The following PCNT variants were observed in gnomAD, a reference collection of about 807,000 sequenced individuals.
The protein encoded by PCNT is kendrin.
In PCNT, 319 loss-of-function variants were observed where a neutral mutation model predicts 380.4. The observed-to-expected ratio is 0.84, with a 90% confidence interval of 0.77 to 0.92. The LOEUF is 0.92. Ranked by LOEUF, PCNT falls within the 40% of genes least tolerant of loss-of-function variation. The pLI is 0.00. For synonymous variants in PCNT, 1,845 were observed against 1,735.2 expected (o/e 1.06, Z -1.57); for missense variants, 4,400 against 4,255.3 (o/e 1.03, Z -0.95).
intron 15 of PCNT, among the ~76,000 whole-genome samples, chr21:46,368,335 C>G (rs972137282): frequency 5.3e-5 from 8 of 151,988 alleles, no homozygotes; most frequent in African/African-American, 1.9e-4. Context: ...GTAGTCCCAG[C>G]TACTTGGGAG....
chr21:46,407,865 T>C (rs2147613727), intron 27 of PCNT, among the ~76,000 whole-genome samples: 1 of 152,312 alleles, frequency 6.6e-6, no homozygotes, highest in East Asian at 1.9e-4. Context: ...TTTATTTCTT[T>C]GATTTCTCCT....
intron 17 of PCNT, among the ~76,000 whole-genome samples, chr21:46,387,452 T>G (rs1204040376): frequency 6.6e-6 from 1 of 151,618 alleles, no homozygotes; most frequent in Non-Finnish European, 1.5e-5. Flanking sequence ...GTGGGCGGGG[T>G]AGTCCCAGGC....
chr21:46,349,170 C>T lies in PCNT; in HGVS notation c.1191C>T (p.Asp397=). The part of the protein sequence containing the change: ...QRAELEKIFQ[D]KNQAERALRN... ...CTGAGTTGGAGAAGATTTTTCAAGA[C>T]AAAAACCAGGCTGAACGTAAGTAAT... The change falls in exon 7 of 47, where the codon GAC becomes GAT. Residue 397 remains aspartate, a synonymous_variant. Coordinates refer to ENST00000359568, the MANE Select transcript of PCNT (RefSeq NM_006031.6). 6.2e-7 allele frequency: 1 copy of T among 1,613,674 alleles called. No individual in the cohort carries two copies. Among genetic ancestry groups the T allele is most frequent in the Non-Finnish European group, 8.5e-7 (1 of 1,179,630 alleles).
At chr21:46,333,532 G>A (rs372918200) in intron 2 of PCNT, among the ~76,000 whole-genome samples, 92 of 152,004 alleles carry the variant, frequency 6.1e-4, no homozygotes, top group African/African-American at 2.0e-3. Context: ...GTTTGAACCC[G>A]GAGGCGGAGG....
At chr21:46,359,924 T>C (rs1222531192) in intron 13 of PCNT, among the ~76,000 whole-genome samples, 1 of 151,566 alleles carries the variant, frequency 6.6e-6, no homozygotes, top group African/African-American at 2.4e-5. Context: ...TGGCACAGTC[T>C]TGGCTCACTG....
In PCNT at chr21:46,398,137, C is replaced by T; in HGVS notation, c.4563+7C>T. ...GGGCCCTCGCGACAGCCAGGTGAGT[C>T]AGTGCAGCGTGCAGTGCTGCTGGTT... On this transcript the variant is annotated splice_region_variant and intron_variant, in intron 23 of 46. Transcript: ENST00000359568. The T allele has an allele frequency of 6.2e-7, 1 of 1,606,606 alleles. No homozygotes were observed.
intron 33 of PCNT, among the ~76,000 whole-genome samples, 161 bp from the exon 34 acceptor site, chr21:46,427,460 AG>A (rs1269066808): frequency 6.6e-6 from 1 of 152,194 alleles, no homozygotes; most frequent in African/African-American, 2.4e-5. Context: ...TGATGGAGAC[AG>A]CGAGTGAGCT....
At chr21:46,334,204 CAAAAAAA>C (rs35021942) in intron 2 of PCNT, among the ~76,000 whole-genome samples, 186 bp from the exon 3 acceptor site, 1,210 of 97,156 alleles carry the variant, frequency 0.012, 15 homozygotes, top group African/African-American at 0.036. Flanking sequence ...GACTCCGTCT[CAAAAAAA>C]AAAAAAAAAA....
intron 15 of PCNT, among the ~76,000 whole-genome samples, chr21:46,377,244 G>A (rs1357885207): frequency 2.0e-5 from 3 of 152,190 alleles, no homozygotes; most frequent in East Asian, 1.9e-4. Context: ...CCTCCTGGCC[G>A]TGCTGGGCAG....
chr21:46,373,769 C>T (rs1399426897), intron 15 of PCNT, among the ~76,000 whole-genome samples: 2 of 119,222 alleles, frequency 1.7e-5, no homozygotes, highest in African/African-American at 6.5e-5. Flanking sequence ...CTCGCTCTGT[C>T]GCCAGGCTGG....
At chr21:46,354,173 C>T in intron 11 of PCNT, 105 bp downstream of exon 11, 5 of 1,040,150 alleles carry the variant, frequency 4.8e-6, no homozygotes, top group Non-Finnish European at 7.4e-6. Context: ...CCCACCTTGT[C>T]CAGGGGAGGA....
chr21:46,353,039 CCT>C (rs1569185465), intron 9 of PCNT, 63 bp from the exon 10 acceptor site: 2 of 1,342,962 alleles, frequency 1.5e-6, no homozygotes, highest in African/African-American at 1.4e-5. Flanking sequence ...CAGGCTCTTG[CCT>C]CTCGCCTGGC....
At position 46,353,065 on chromosome 21, in the gene PCNT, C is replaced by A. The variant is rs769083813; in HGVS notation, c.1457-39C>A. On this transcript the variant is annotated intron_variant, in intron 9 of 46. Coordinates refer to ENST00000359568, the MANE Select transcript of PCNT (RefSeq NM_006031.6). ...CTCTCGCCTGGCTTGTTGTGGGTGTCCCATTTTAAGACGATTGCCTGACTC... is the reference window on the plus strand; with the variant it reads ...CTCTCGCCTGGCTTGTTGTGGGTGTACCATTTTAAGACGATTGCCTGACTC... The A allele has an allele frequency of 1.9e-6, 3 of 1,546,860 alleles. No homozygotes were observed. The South Asian group carries it at 3.4e-5, about 17-fold the overall frequency.
At chr21:46,387,014 C>T (rs1244853921) in intron 17 of PCNT, among the ~76,000 whole-genome samples, 1 of 152,144 alleles carries the variant, frequency 6.6e-6, no homozygotes, top group African/African-American at 2.4e-5. Context: ...CGCCCCAGGC[C>T]TCTGAGTCCT....
Position 46,363,840 on chromosome 21 carries a change from T to C in PCNT, c.2515T>C (p.Cys839Arg). The change falls in exon 14 of 47, where the codon TGT (cysteine) becomes CGT (arginine). Residue 839 changes from cysteine to arginine, a missense_variant. Coordinates refer to ENST00000359568, the MANE Select transcript of PCNT (RefSeq NM_006031.6). ...AGACGACGCCCTGCATTGCAGCCAG[T>C]GTGGGCGGGAGCCGCCCACAGCCCA... ...TSDDALHCSQ[C>R]GREPPTAQDG... 1.9e-6 allele frequency: 3 copies of C among 1,612,240 alleles called. No individual in the cohort carries two copies. The highest frequency in any genetic ancestry group is 2.5e-6 in the Non-Finnish European group (3 of 1,179,202).
chr21:46,430,340 C>A, intron 36 of PCNT, 108 bp downstream of exon 36: 1 of 1,382,758 alleles, frequency 7.2e-7, no homozygotes, highest in South Asian at 1.2e-5. Flanking sequence ...AGTTGGGCAG[C>A]CCCAGGGGCA....
chr21:46,409,472 G>A (rs2147639415), intron 27 of PCNT, among the ~76,000 whole-genome samples: 1 of 152,216 alleles, frequency 6.6e-6, no homozygotes, highest in South Asian at 2.1e-4. Context: ...ACAGGCGTGA[G>A]CCACTGTGCC....
Position 46,416,343 on chromosome 21 carries a change from T to C in PCNT, c.6425T>C (p.Ile2142Thr), listed in dbSNP as rs373849607. The change falls in exon 30 of 47, where the codon ATC becomes ACC. Residue 2142 changes from isoleucine (I) to threonine (T), a missense_variant. Coordinates refer to ENST00000359568, the MANE Select transcript of PCNT (RefSeq NM_006031.6). ...NTATGGVTDV[I>T]KNQAIDACDA... is the part of the protein sequence containing the mutation. ...GCCACGGGGGGTGTAACTGATGTTA[T>C]CAAAAATCAGGCCATAGACGCGTGT... 157 of 1,613,858 alleles carry C rather than the reference T, an allele frequency of 9.7e-5. No homozygotes were observed. Among genetic ancestry groups the C allele is most frequent in the Non-Finnish European group, 1.3e-4 (150 of 1,179,978 alleles).
chr21:46,375,641 C>T (rs939298297), intron 15 of PCNT, among the ~76,000 whole-genome samples: 12 of 152,192 alleles, frequency 7.9e-5, no homozygotes, highest in Non-Finnish European at 1.6e-4. Flanking sequence ...TGAGGACGCA[C>T]GCTTCTGCTC....
Sources: allele counts gnomAD v4.1 joint callset (sites outside exome capture counted in the v4.1 genomes callset), GRCh38; gene constraint gnomAD v4.1.1; transcripts MANE v1.5; gene names NCBI Gene and HGNC (gene_info 2026-07-23, HGNC 2026-07-21).